The following CACNA1D variants were observed in gnomAD, a reference collection of about 807,000 sequenced individuals.
CACNA1D encodes calcium voltage-gated channel subunit alpha1 D, also known as voltage-dependent L-type calcium channel subunit alpha-1D.
Under a neutral mutation model 257.1 loss-of-function variants are expected in CACNA1D, and 55 were observed. The observed-to-expected ratio is 0.21, with a 90% confidence interval of 0.17 to 0.27. CACNA1D has a LOEUF of 0.27. Ranked by LOEUF, CACNA1D falls within the 10% of genes least tolerant of loss-of-function variation. The pLI, the probability that CACNA1D is intolerant of heterozygous loss-of-function variation, is 1.00. For missense variants in CACNA1D, 1,876 were observed against 2,784.0 expected, an observed-to-expected ratio of 0.67 and a Z score of 7.34; for synonymous variants, 980 against 1,014.9, an observed-to-expected ratio of 0.97 and a Z score of 0.65.
intron 3 of CACNA1D, among the ~76,000 whole-genome samples, chr3:53,526,400 A>G (rs1301232238): frequency 6.6e-6 from 1 of 152,144 alleles, no homozygotes; most frequent in African/African-American, 2.4e-5. Context: ...GTCAGAATTT[A>G]TTCCAGTATG....
In CACNA1D at chr3:53,753,679, T is replaced by C; in HGVS notation, c.3783T>C (p.Pro1261=). Residue 1261 remains proline (P), a synonymous_variant, in exon 29 of 48, where the codon CCT becomes CCC. Transcript: ENST00000350061. The part of the protein sequence containing the change: ...EMVLKVIAFK[P]KGYFSDAWNT... ...TTTTGAAAGTCATCGCATTTAAGCC[T>C]AAGGTGAGTTGCAGAACCCACTTTT... is the stretch of plus-strand genomic sequence containing the variant. 5.0e-6 allele frequency: 8 copies of C among 1,590,874 alleles called. No homozygotes were observed. The highest frequency in any genetic ancestry group is 6.0e-6 in the Non-Finnish European group (7 of 1,158,634).
At chr3:53,681,307 G>A (rs2094427672) in intron 8 of CACNA1D, among the ~76,000 whole-genome samples, 1 of 152,208 alleles carries the variant, frequency 6.6e-6, no homozygotes, top group African/African-American at 2.4e-5. Context: ...TTTGTCTTTG[G>A]AGGGCTTTCC....
At chr3:53,563,940 G>A (rs2092786816) in intron 3 of CACNA1D, among the ~76,000 whole-genome samples, 2 of 152,048 alleles carry the variant, frequency 1.3e-5, no homozygotes, top group South Asian at 4.2e-4. Flanking sequence ...CAGCTTTATT[G>A]GATGATGCCT....
chr3:53,508,114 G>C (rs2090934835), intron 3 of CACNA1D, among the ~76,000 whole-genome samples: 1 of 152,110 alleles, frequency 6.6e-6, no homozygotes, highest in South Asian at 2.1e-4. Context: ...ATTTTGAGGA[G>C]GGCATGTGGG....
At chr3:53,687,108 C>T (rs1176875921) in intron 8 of CACNA1D, among the ~76,000 whole-genome samples, 1 of 151,940 alleles carries the variant, frequency 6.6e-6, no homozygotes, top group Non-Finnish European at 1.5e-5. Flanking sequence ...CTGAAAACTA[C>T]AAAACACTGA....
At chr3:53,706,687 T>C (rs2094692762) in intron 9 of CACNA1D, among the ~76,000 whole-genome samples, 1 of 152,096 alleles carries the variant, frequency 6.6e-6, no homozygotes, top group South Asian at 2.1e-4. Context: ...TACATAGCGG[T>C]GAAGTCTGGG....
chr3:53,549,895 A>G (rs2092494026), intron 3 of CACNA1D, among the ~76,000 whole-genome samples: 1 of 152,204 alleles, frequency 6.6e-6, no homozygotes, highest in East Asian at 1.9e-4. Flanking sequence ...TGAGTAGATT[A>G]GAGAGTGTAG....
chr3:53,592,760 A>G (rs1355423602), intron 3 of CACNA1D, among the ~76,000 whole-genome samples: 2 of 151,556 alleles, frequency 1.3e-5, no homozygotes, highest in Non-Finnish European at 2.9e-5. Context: ...CTGGAGTGCA[A>G]TGGCACAACC....
At chr3:53,515,117 A>G (rs2091280096) in intron 3 of CACNA1D, among the ~76,000 whole-genome samples, 1 of 152,198 alleles carries the variant, frequency 6.6e-6, no homozygotes, top group African/African-American at 2.4e-5. Flanking sequence ...CAGCTAGAAG[A>G]CTGAAGCCTG....
intron 2 of CACNA1D, 122 bp from the exon 3 acceptor site, chr3:53,501,493 A>G: frequency 1.5e-6 from 1 of 669,060 alleles, no homozygotes; most frequent in Admixed American, 2.1e-5. Flanking sequence ...AGTCAGCCGA[A>G]ATAGGATTTG....
chr3:53,770,996 T>C (rs9881910), intron 32 of CACNA1D, among the ~76,000 whole-genome samples: 102,158 of 152,066 alleles, frequency 0.67, 34,866 homozygotes, highest in African/African-American at 0.72. Context: ...CCTGGGCCAG[T>C]GCACTATCAC....
chr3:53,805,920 CCCT>C (rs1164085009), intron 45 of CACNA1D, among the ~76,000 whole-genome samples: 1 of 139,166 alleles, frequency 7.2e-6, no homozygotes, highest in African/African-American at 2.7e-5. Context: ...TTCTCCTGCT[CCCT>C]CATCTTCCCT....
At position 53,801,276 on chromosome 3, in the gene CACNA1D, A is replaced by G. The variant is rs1255857458; in HGVS notation, c.5259A>G (p.Ser1753=). The G allele has an allele frequency of 1.2e-6, 2 of 1,614,116 alleles. No individual in the cohort carries two copies. Among genetic ancestry groups the G allele is most frequent in the Non-Finnish European group, 1.7e-6 (2 of 1,180,008 alleles). ...HNSIGKQVPT[S]TNANLNNANM... is the part of the protein sequence containing the mutation. The stretch of plus-strand genomic sequence containing the variant: ...CCATAGGAAAGCAAGTTCCCACCTC[A>G]ACAAATGCCAATCTCAATAATGCCA... The change falls in exon 42 of 48, where the codon TCA becomes TCG. Residue 1753 remains serine, a synonymous_variant. Coordinates refer to ENST00000350061, the MANE Select transcript of CACNA1D (RefSeq NM_001128840.3).
At chr3:53,641,644 T>TG (rs968728241) in intron 3 of CACNA1D, among the ~76,000 whole-genome samples, 33 of 152,262 alleles carry the variant, frequency 2.2e-4, no homozygotes, top group African/African-American at 7.9e-4. Flanking sequence ...TCAGAGTCCA[T>TG]GTCCCTGGGA....
intron 7 of CACNA1D, among the ~76,000 whole-genome samples, chr3:53,667,456 A>G (rs2094278645): frequency 6.6e-6 from 1 of 152,260 alleles, no homozygotes; most frequent in Admixed American, 6.5e-5. Flanking sequence ...CCAGGATTCC[A>G]ATCATGAGTT....
intron 29 of CACNA1D, among the ~76,000 whole-genome samples, chr3:53,758,351 T>C (rs193246039): frequency 9.8e-4 from 149 of 152,360 alleles, no homozygotes; most frequent in African/African-American, 3.5e-3. Context: ...ATTATTTATA[T>C]AGGCTTCTAC....
At chr3:53,677,111 A>G (rs968045897) in intron 8 of CACNA1D, among the ~76,000 whole-genome samples, 7 of 152,206 alleles carry the variant, frequency 4.6e-5, no homozygotes, top group African/African-American at 1.7e-4. Flanking sequence ...CTTTAGAATC[A>G]TGCTAGATTC....
intron 3 of CACNA1D, among the ~76,000 whole-genome samples, chr3:53,587,067 A>G (rs2093231111): frequency 6.6e-6 from 1 of 152,190 alleles, no homozygotes; most frequent in Non-Finnish European, 1.5e-5. Context: ...CTTGCAAGCC[A>G]GGATGAGTGC....
At chr3:53,500,728 G>T (rs1236216965) in intron 2 of CACNA1D, among the ~76,000 whole-genome samples, 2 of 152,198 alleles carry the variant, frequency 1.3e-5, no homozygotes, top group African/African-American at 4.8e-5. Flanking sequence ...CATTTTGGCA[G>T]ATGTCAAATT....
Sources: gnomAD v4.1 joint callset for allele counts (sites outside exome capture counted in the v4.1 genomes callset) on GRCh38, gnomAD v4.1.1 for gene constraint, MANE v1.5 for transcripts, NCBI Gene and HGNC (gene_info 2026-07-23, HGNC 2026-07-21) for gene names.